REC114: variants seen among roughly 807,000 people sequenced by gnomAD.
REC114 encodes meiotic recombination protein REC114.
Under a neutral mutation model 31.3 loss-of-function variants are expected in REC114, and 27 were observed. The observed-to-expected ratio is 0.86, with a 90% confidence interval of 0.64 to 1.19. The LOEUF is 1.19. REC114 is among the 50% of genes most tolerant of loss of function. The pLI is 0.00. For synonymous variants in REC114, 134 were observed against 127.7 expected, an observed-to-expected ratio of 1.05 and a Z score of -0.33; for missense variants, 344 against 326.9, an observed-to-expected ratio of 1.05 and a Z score of -0.40.
chr15:73,543,949 T>TG (rs1894275143), intron 3 of REC114, among the ~76,000 whole-genome samples: 1 of 141,974 alleles, frequency 7.0e-6, no homozygotes. Flanking sequence ...TGGCTTTTTT[T>TG]TTTTTTTTTT....
intron 1 of REC114, among the ~76,000 whole-genome samples, chr15:73,445,481 C>A (rs1363668580): frequency 6.6e-6 from 1 of 152,182 alleles, no homozygotes; most frequent in Admixed American, 6.5e-5. Context: ...TTTGCATTTA[C>A]AACCTGGCTA....
chr15:73,464,417 C>T (rs138080020), intron 1 of REC114, among the ~76,000 whole-genome samples: 1 of 152,020 alleles, frequency 6.6e-6, no homozygotes. Context: ...GCTTGTTCCC[C>T]CGGGAGCCTC....
At chr15:73,479,355 G>A (rs1893261640) in intron 2 of REC114, among the ~76,000 whole-genome samples, 1 of 150,804 alleles carries the variant, frequency 6.6e-6, no homozygotes, top group African/African-American at 2.4e-5. Flanking sequence ...ACAATGTAAT[G>A]TTTTGATATA....
chr15:73,448,520 C>T (rs188925824), intron 1 of REC114, among the ~76,000 whole-genome samples: 8 of 152,232 alleles, frequency 5.3e-5, no homozygotes, highest in Non-Finnish European at 8.8e-5. Flanking sequence ...AGATAAAACC[C>T]GCATCTCCCT....
At chr15:73,524,901 A>G (rs1893985891) in intron 2 of REC114, among the ~76,000 whole-genome samples, 1 of 152,200 alleles carries the variant, frequency 6.6e-6, no homozygotes, top group Non-Finnish European at 1.5e-5. Flanking sequence ...GCCTGGCCCA[A>G]AAGCAGAGCT....
intron 2 of REC114, among the ~76,000 whole-genome samples, chr15:73,489,922 T>A (rs571005642): frequency 6.6e-5 from 10 of 152,280 alleles, no homozygotes; most frequent in Admixed American, 2.6e-4. Context: ...GTGAGTACAC[T>A]CAAACACAGT....
At chr15:73,559,393 G>C (rs571251662) in intron 5 of REC114, among the ~76,000 whole-genome samples, 1 of 152,202 alleles carries the variant, frequency 6.6e-6, no homozygotes, top group South Asian at 2.1e-4. Flanking sequence ...AACTGAGCTA[G>C]TGGAGCTCAT....
chr15:73,505,981 G>A (rs1893670477), intron 2 of REC114, among the ~76,000 whole-genome samples: 1 of 152,148 alleles, frequency 6.6e-6, no homozygotes, highest in African/African-American at 2.4e-5. Context: ...GGGCACGCCT[G>A]CACGTGTGGT....
At chr15:73,526,036 T>C (rs74519210) in intron 2 of REC114, among the ~76,000 whole-genome samples, 3 of 152,326 alleles carry the variant, frequency 2.0e-5, no homozygotes, top group Non-Finnish European at 4.4e-5. Context: ...CATTCAGGAT[T>C]GTTACGTTTT....
At chr15:73,458,733 C>T (rs1472672563) in intron 1 of REC114, among the ~76,000 whole-genome samples, 1 of 152,172 alleles carries the variant, frequency 6.6e-6, no homozygotes, top group African/African-American at 2.4e-5. Context: ...TATATGATTG[C>T]TGTCTCTTAA....
At chr15:73,531,298 T>A (rs1287659053) in intron 2 of REC114, among the ~76,000 whole-genome samples, 1 of 152,160 alleles carries the variant, frequency 6.6e-6, no homozygotes, top group Non-Finnish European at 1.5e-5. Context: ...ATCTTTGGAC[T>A]TCAGATTGTG....
intron 4 of REC114, among the ~76,000 whole-genome samples, chr15:73,555,338 C>T (rs1894449625): frequency 6.6e-6 from 1 of 152,096 alleles, no homozygotes; most frequent in Non-Finnish European, 1.5e-5. Flanking sequence ...CTCAGGTACC[C>T]AAGGCATATT....
chr15:73,477,383 A>G (rs544444763), intron 2 of REC114, among the ~76,000 whole-genome samples: 34 of 152,132 alleles, frequency 2.2e-4, no homozygotes, highest in Admixed American at 2.0e-4. Context: ...TCCTTTTTGT[A>G]TACTACTTAG....
intron 1 of REC114, among the ~76,000 whole-genome samples, chr15:73,447,849 G>A (rs1350910726): frequency 2.6e-5 from 4 of 152,050 alleles, no homozygotes; most frequent in Non-Finnish European, 4.4e-5. Context: ...GGGGTGAGCC[G>A]AAGCAGGGTG....
chr15:73,550,792 C>G, intron 3 of REC114, 146 bp from the exon 4 acceptor site: 1 of 709,464 alleles, frequency 1.4e-6, no homozygotes, highest in Non-Finnish European at 2.3e-6. Flanking sequence ...ATTGGCTTTT[C>G]TATGCCTGCA....
intron 2 of REC114, among the ~76,000 whole-genome samples, chr15:73,496,351 C>CAA (rs539098846): frequency 0.037 from 757 of 20,470 alleles, 83 homozygotes; most frequent in African/African-American, 0.11. Context: ...GACTCCTTCT[C>CAA]AAAAAAAAAA....
intron 1 of REC114, among the ~76,000 whole-genome samples, chr15:73,471,187 G>A (rs755716476): frequency 6.6e-6 from 1 of 152,158 alleles, no homozygotes; most frequent in Non-Finnish European, 1.5e-5. Flanking sequence ...AAGCCAGTTA[G>A]GAGATTATTA....
At position 73,559,829 on chromosome 15, in the gene REC114, A is replaced by C. The variant is rs1894553635; in HGVS notation, c.714A>C (p.Leu238=). 6.2e-7 allele frequency: 1 copy of C among 1,612,796 alleles called. No homozygotes were observed. Among genetic ancestry groups the C allele is most frequent in the South Asian group, 1.1e-5 (1 of 90,912 alleles). The change falls in exon 6 of 6, where the codon CTA becomes CTC. Residue 238 remains leucine, a synonymous_variant. Coordinates refer to ENST00000331090, the MANE Select transcript of REC114 (RefSeq NM_001042367.2). ...AWGAEELGPF[L]RLCLMDQNFP... is the part of the protein sequence containing the mutation. Reference sequence around the variant, plus strand: ...GTGCAGAAGAGTTAGGCCCCTTCCTACGTTTGTGCCTTATGGATCAGAATT... The same window carrying C: ...GTGCAGAAGAGTTAGGCCCCTTCCTCCGTTTGTGCCTTATGGATCAGAATT...
At chr15:73,490,844 C>T (rs1450952732) in intron 2 of REC114, among the ~76,000 whole-genome samples, 2 of 152,096 alleles carry the variant, frequency 1.3e-5, no homozygotes, top group Admixed American at 1.3e-4. Flanking sequence ...CTTACTTGCC[C>T]ACCTTCATCC....
Sources: allele counts gnomAD v4.1 joint callset (sites outside exome capture counted in the v4.1 genomes callset), GRCh38; gene constraint gnomAD v4.1.1; transcripts MANE v1.5; gene names NCBI Gene and HGNC (gene_info 2026-07-23, HGNC 2026-07-21).